The following SARDH variants were observed in gnomAD, a reference collection of about 807,000 sequenced individuals.
SARDH encodes sarcosine dehydrogenase, mitochondrial.
A neutral mutation model predicts 109.1 loss-of-function variants in SARDH; 95 were observed. The ratio of observed to expected loss-of-function variants is 0.87; its 90% CI spans 0.74 to 1.03. The LOEUF (loss-of-function observed/expected upper bound fraction) is 1.03. Among genes scored for constraint, SARDH ranks in the 50% least tolerant of loss-of-function variants. SARDH has a pLI of 0.00. For synonymous variants in SARDH, 572 were observed against 534.8 expected (o/e 1.07, Z -0.96); for missense variants, 1,267 against 1,287.8 (o/e 0.98, Z 0.25).
Position 133,718,912 on chromosome 9 carries a change from A to G in SARDH, c.1020+26T>C. On this transcript the variant is annotated intron_variant, in intron 7 of 20. Coordinates refer to ENST00000439388, the MANE Select transcript of SARDH (RefSeq NM_001134707.2). This position sits in a 1 kb window ranked among gnomAD's most constrained non-coding sequence, Gnocchi z 4.2. ...TGAGATGCAGCCCCAACTCCCTCCC[A>G]TTATCCCAGGGCCCTGGCATCTTAC... 1.3e-6 allele frequency: 2 copies of G among 1,560,578 alleles called. No homozygotes were observed. The highest frequency in any genetic ancestry group is 1.8e-6 in the Non-Finnish European group (2 of 1,131,776).
Position 133,731,354 on chromosome 9 carries a change from G to T in SARDH, c.641C>A (p.Ala214Asp), listed in dbSNP as rs1464982532. 4.3e-6 allele frequency: 7 copies of T among 1,614,118 alleles called. No individual in the cohort carries two copies. Among genetic ancestry groups the T allele is most frequent in the Non-Finnish European group, 5.1e-6 (6 of 1,180,050 alleles). Residue 214 changes from alanine (A) to aspartate (D), a missense_variant, in exon 4 of 21, where the codon GCT becomes GAT. Ala to Asp is a moderately radical substitution (Grantham distance 126). Transcript: ENST00000439388. Reference protein sequence around the residue: ...YVPHDGTMDPAGTCTTLARAA... With the variant: ...YVPHDGTMDPDGTCTTLARAA... ...CCTGGCGAGGGTGGTACAGGTGCCAGCGGGGTCCATGGTACCGTCGTGCGG... is the reference window on the plus strand; with the variant it reads ...CCTGGCGAGGGTGGTACAGGTGCCATCGGGGTCCATGGTACCGTCGTGCGG...
At chr9:133,739,520 C>T (rs549339556), upstream of SARDH, among the ~76,000 whole-genome samples, 1 of 152,226 alleles carries the variant, frequency 6.6e-6, no homozygotes, top group Non-Finnish European at 1.5e-5. Flanking sequence ...CACCACAAGG[C>T]TGGCTTCCTT....
chr9:133,737,405 G>A (rs997011625), intron 1 of SARDH, among the ~76,000 whole-genome samples: 1 of 152,170 alleles, frequency 6.6e-6, no homozygotes, highest in Admixed American at 6.5e-5. Flanking sequence ...CGGACAAGGA[G>A]GCATGCCTCC....
Position 133,671,670 on chromosome 9 carries a change from C to A in SARDH, c.2191G>T (p.Gly731Trp). 2 of 1,587,884 alleles carry A rather than the reference C, an allele frequency of 1.3e-6. No individual in the cohort carries two copies. Among genetic ancestry groups the A allele is most frequent in the East Asian group, 2.3e-5 (1 of 43,478 alleles). The change falls in exon 18 of 21, where the codon GGG becomes TGG. Residue 731 changes from glycine (G) to tryptophan (W), a missense_variant. Gly to Trp is a radical substitution (Grantham distance 184, BLOSUM62 -2). Coordinates refer to ENST00000439388, the MANE Select transcript of SARDH (RefSeq NM_001134707.2). Reference sequence around the variant, plus strand: ...ATGTGCAGCTCCCAGCCCAGCTCCCCCACAAAGGACAGCCGCATGGCTCGG... The same window carrying A: ...ATGTGCAGCTCCCAGCCCAGCTCCCACACAAAGGACAGCCGCATGGCTCGG... ...LVRAMRLSFV[G>W]ELGWELHIPK...
At chr9:133,732,910 C>T (rs1021983004) in intron 2 of SARDH, among the ~76,000 whole-genome samples, 24 of 152,168 alleles carry the variant, frequency 1.6e-4, no homozygotes, top group Non-Finnish European at 3.1e-4. Flanking sequence ...GCGTGATTCT[C>T]TTATAGATCA....
intron 12 of SARDH, chr9:133,703,805 GT>G (rs1472819803): frequency 6.6e-6 from 1 of 152,380 alleles, no homozygotes; most frequent in African/African-American, 2.4e-5. Context: ...CCAGTGTGAG[GT>G]TGTAAGGGAG....
At chr9:133,711,409 G>A (rs1831913160) in intron 10 of SARDH, among the ~76,000 whole-genome samples, 1 of 152,236 alleles carries the variant, frequency 6.6e-6, no homozygotes, top group African/African-American at 2.4e-5. Flanking sequence ...GCTGTTTGCA[G>A]CAGGAGGGGC....
Position 133,734,128 on chromosome 9 carries a change from G to A in SARDH, c.46C>T (p.Arg16Cys), listed in dbSNP as rs750539046. Reference sequence around the variant, plus strand: ...CCCATGCCCCGGGTAGGGCTCTGGCGAGGGTGGGCAGCAGCCACACGTAGG... The same window carrying A: ...CCCATGCCCCGGGTAGGGCTCTGGCAAGGGTGGGCAGCAGCCACACGTAGG... ...RALRVAAAHP[R>C]QSPTRGMGPC... Residue 16 changes from arginine (R) to cysteine (C), a missense_variant, in exon 2 of 21, where the codon CGC becomes TGC. Arg to Cys is a radical substitution (Grantham distance 180). Coordinates refer to ENST00000439388, the MANE Select transcript of SARDH (RefSeq NM_001134707.2). 2.4e-5 allele frequency: 38 copies of A among 1,609,406 alleles called. No homozygotes were observed. Among genetic ancestry groups the A allele is most frequent in the African/African-American group, 8.0e-5 (6 of 74,896 alleles).
chr9:133,737,944 A>G (rs1832938338), intron 1 of SARDH, among the ~76,000 whole-genome samples: 1 of 152,178 alleles, frequency 6.6e-6, no homozygotes, highest in African/African-American at 2.4e-5. Flanking sequence ...CTCGAGCAAC[A>G]ACTTAACCTC....
At chr9:133,715,049 G>T (rs1832068810) in intron 8 of SARDH, among the ~76,000 whole-genome samples, 1 of 152,188 alleles carries the variant, frequency 6.6e-6, no homozygotes. Flanking sequence ...GGCCAGGCCT[G>T]CGGCTCCCAC....
chr9:133,737,043 T>C (rs1295295101), intron 1 of SARDH, among the ~76,000 whole-genome samples: 1 of 152,184 alleles, frequency 6.6e-6, no homozygotes, highest in Non-Finnish European at 1.5e-5. Context: ...ACCAGGGTCA[T>C]AGGGCCTCCA....
rs191209321 is a variant in SARDH, at chr9:133,696,861, C to T, written c.1669-500G>A. On this transcript the variant is annotated intron_variant, in intron 13 of 20. Coordinates refer to ENST00000439388, the MANE Select transcript of SARDH (RefSeq NM_001134707.2). ...ACAGGGAAATTTCTGCTTGTATGTGCTTGCATTACGAAAGAAGATCTCAAA... is the reference window on the plus strand; with the variant it reads ...ACAGGGAAATTTCTGCTTGTATGTGTTTGCATTACGAAAGAAGATCTCAAA... Among the ~76,000 whole-genome samples, 596 of 152,224 alleles carry T rather than the reference C, an allele frequency of 3.9e-3. 2 individuals are homozygous for T. Among genetic ancestry groups the T allele is most frequent in the African/African-American group, 0.014 (579 of 41,522 alleles).
chr9:133,684,384 G>A (rs1830810671), intron 17 of SARDH, among the ~76,000 whole-genome samples: 1 of 152,264 alleles, frequency 6.6e-6, no homozygotes, highest in Non-Finnish European at 1.5e-5. Flanking sequence ...GGGAAAGTGT[G>A]CTGTGATGTT....
rs542201894 is a variant in SARDH at position 133,709,461 on chromosome 9, C to T, written c.1329-1033G>A. Among the ~76,000 whole-genome samples, 5 of 152,264 alleles carry T rather than the reference C, an allele frequency of 3.3e-5. No individual in the cohort carries two copies. In the South Asian group the frequency reaches 1.0e-3, roughly 32 times the overall value. Reference sequence around the variant, plus strand: ...GTCAGCCCCCGGCTTTCCCAGCACCCCGCCTCCCCCTCACGCTCCACCTGC... The same window carrying T: ...GTCAGCCCCCGGCTTTCCCAGCACCTCGCCTCCCCCTCACGCTCCACCTGC... On this transcript the variant is annotated intron_variant, in intron 10 of 20. Coordinates refer to ENST00000439388, the MANE Select transcript of SARDH (RefSeq NM_001134707.2). The surrounding 1 kb of genome is among the most constrained non-coding windows in gnomAD (Gnocchi z 4.2).
At chr9:133,714,138 C>T (rs1336966450) in intron 8 of SARDH, among the ~76,000 whole-genome samples, 5 of 152,184 alleles carry the variant, frequency 3.3e-5, no homozygotes, top group African/African-American at 4.8e-5. Flanking sequence ...GCACTTCGTT[C>T]GTGAACGATG....
intron 17 of SARDH, among the ~76,000 whole-genome samples, chr9:133,677,895 G>A (rs927304690): frequency 1.3e-5 from 2 of 152,262 alleles, no homozygotes; most frequent in Non-Finnish European, 2.9e-5. Context: ...GGATCCCTCT[G>A]TGGAATGAGA....
chr9:133,734,506 G>T (rs1418870168), intron 1 of SARDH, among the ~76,000 whole-genome samples: 1 of 152,050 alleles, frequency 6.6e-6, no homozygotes, highest in East Asian at 1.9e-4. Context: ...TAAGGGCCTG[G>T]TATGCAGCAG....
upstream of SARDH, chr9:133,739,571 T>G (rs1832992625): frequency 6.6e-6 from 1 of 152,338 alleles, no homozygotes; most frequent in Non-Finnish European, 1.5e-5. Context: ...GGAGGGGGCC[T>G]GGGCTCTGGG....
At chr9:133,688,212 G>T (rs129960) in intron 16 of SARDH, among the ~76,000 whole-genome samples, 1 of 152,138 alleles carries the variant, frequency 6.6e-6, no homozygotes, top group African/African-American at 2.4e-5. Flanking sequence ...ACACAGCATC[G>T]CGGCTGCCTG....
Sources: allele counts gnomAD v4.1 joint callset (sites outside exome capture counted in the v4.1 genomes callset), GRCh38; gene constraint gnomAD v4.1.1; non-coding constraint Gnocchi (gnomAD v3.1); transcripts MANE v1.5; gene names NCBI Gene and HGNC (gene_info 2026-07-23, HGNC 2026-07-21).